NKAIN3: variants seen among roughly 807,000 people sequenced by gnomAD.
The protein encoded by NKAIN3 is sodium/potassium transporting ATPase interacting 3.
In NKAIN3, 25 loss-of-function variants were observed where a neutral mutation model predicts 30.2. The observed-to-expected ratio is 0.83, with a 90% CI of 0.60 to 1.16. The LOEUF (loss-of-function observed/expected upper bound fraction) is 1.16, where lower values mean the gene tolerates loss of function less well. Ranked by LOEUF, NKAIN3 falls within the 50% of genes most tolerant of loss-of-function variation. The pLI, the probability that NKAIN3 is intolerant of heterozygous loss-of-function variation, is 0.00. For synonymous variants in NKAIN3, 91 were observed against 89.6 expected (o/e 1.02, Z -0.09); for missense variants, 225 against 254.1 (o/e 0.89, Z 0.78).
chr8:62,284,979 A>T (rs562344574), intron 1 of NKAIN3, among the ~76,000 whole-genome samples: 1 of 152,260 alleles, frequency 6.6e-6, no homozygotes, highest in Non-Finnish European at 1.5e-5. Flanking sequence ...AAAATAGCAA[A>T]GCAGTTTTTT....
At chr8:62,863,865 A>T (rs1820334464) in intron 4 of NKAIN3, 1 of 1,535,442 alleles carries the variant, frequency 6.5e-7, no homozygotes, top group East Asian at 2.2e-5. Flanking sequence ...CCACCTTTGC[A>T]GTAGTCCGCA....
At chr8:62,901,119 A>G (rs1275722538) in intron 4 of NKAIN3, among the ~76,000 whole-genome samples, 1 of 152,168 alleles carries the variant, frequency 6.6e-6, no homozygotes, top group African/African-American at 2.4e-5. Context: ...ACAATACAGG[A>G]AAAGTGGTGA....
At chr8:62,606,445 C>G (rs1311559708) in intron 3 of NKAIN3, among the ~76,000 whole-genome samples, 1 of 152,074 alleles carries the variant, frequency 6.6e-6, no homozygotes, top group Admixed American at 6.6e-5. Flanking sequence ...AGAGTCAATA[C>G]TGATTCAAAA....
At chr8:62,568,011 G>A (rs1329047536) in intron 1 of NKAIN3, among the ~76,000 whole-genome samples, 1 of 152,060 alleles carries the variant, frequency 6.6e-6, no homozygotes, top group South Asian at 2.1e-4. Flanking sequence ...TAAATTGAAG[G>A]TTGACTAAGA....
At chr8:62,589,644 A>G in intron 2 of NKAIN3, 70 bp from the exon 3 acceptor site, 1 of 646,806 alleles carries the variant, frequency 1.5e-6, no homozygotes, top group Non-Finnish European at 2.8e-6. Context: ...TTTATTATTG[A>G]TTTATTTGAT....
intron 1 of NKAIN3, among the ~76,000 whole-genome samples, chr8:62,409,869 A>T (rs1293532981): frequency 6.6e-6 from 1 of 152,002 alleles, no homozygotes; most frequent in Non-Finnish European, 1.5e-5. Context: ...TCACTACCTT[A>T]TAGTCCTGGC....
In NKAIN3 at chr8:62,564,851, G is replaced by A. The variant is rs183031716; in HGVS notation, c.55-14688G>A. Among the ~76,000 whole-genome samples, 245 of 152,242 alleles carry A rather than the reference G, an allele frequency of 1.6e-3. 1 individual carries two copies. The highest frequency in any genetic ancestry group is 0.014 in the Middle Eastern group (4 of 294). On this transcript the variant is annotated intron_variant, in intron 1 of 6. Transcript: ENST00000623646. Reference sequence around the variant, plus strand: ...TTTTTAACACAGATAATTTGAGTTTGTTGGCTAAAATATTTAGAAAATTTA... The same window carrying A: ...TTTTTAACACAGATAATTTGAGTTTATTGGCTAAAATATTTAGAAAATTTA...
At chr8:62,456,492 T>C (rs535706301) in intron 1 of NKAIN3, among the ~76,000 whole-genome samples, 45 of 151,534 alleles carry the variant, frequency 3.0e-4, no homozygotes, top group Non-Finnish European at 6.2e-4. Context: ...GCACTCCAGC[T>C]TGGGCGACAG....
At chr8:62,472,002 G>A (rs1258001907) in intron 1 of NKAIN3, among the ~76,000 whole-genome samples, 3 of 148,680 alleles carry the variant, frequency 2.0e-5, no homozygotes, top group Non-Finnish European at 4.4e-5. Context: ...CCCAGCCTGG[G>A]TGTCAGAGCA....
At chr8:62,884,924 T>C (rs917004140) in intron 4 of NKAIN3, among the ~76,000 whole-genome samples, 2 of 152,140 alleles carry the variant, frequency 1.3e-5, no homozygotes, top group African/African-American at 4.8e-5. Flanking sequence ...TTCTATTCAA[T>C]AGCTTCCTAT....
intron 3 of NKAIN3, among the ~76,000 whole-genome samples, chr8:62,664,657 G>T (rs1813043788): frequency 6.6e-6 from 1 of 152,024 alleles, no homozygotes; most frequent in Non-Finnish European, 1.5e-5. Context: ...CCCTTTTCCT[G>T]TATTTTAAGT....
intron 1 of NKAIN3, among the ~76,000 whole-genome samples, chr8:62,488,986 G>A (rs1291757902): frequency 6.6e-6 from 1 of 152,098 alleles, no homozygotes; most frequent in Non-Finnish European, 1.5e-5. Context: ...TTCAATGAAT[G>A]CTAGCTATTA....
intron 1 of NKAIN3, among the ~76,000 whole-genome samples, chr8:62,477,398 C>T (rs1806555597): frequency 6.6e-6 from 1 of 152,130 alleles, no homozygotes; most frequent in Non-Finnish European, 1.5e-5. Flanking sequence ...TAGGCTTTCC[C>T]TGTGTGAGCC....
chr8:62,720,571 C>T (rs1219210452), intron 3 of NKAIN3, among the ~76,000 whole-genome samples: 1 of 152,196 alleles, frequency 6.6e-6, no homozygotes, highest in African/African-American at 2.4e-5. Context: ...ATTCTCTTTT[C>T]TCCTGTGCCC....
intron 3 of NKAIN3, among the ~76,000 whole-genome samples, chr8:62,719,477 T>C (rs1181250979): frequency 6.6e-6 from 1 of 152,222 alleles, no homozygotes; most frequent in Non-Finnish European, 1.5e-5. Context: ...CCTGGTTATA[T>C]TCTCTTGGGA....
At chr8:62,462,252 G>T (rs571248090) in intron 1 of NKAIN3, among the ~76,000 whole-genome samples, 1 of 152,202 alleles carries the variant, frequency 6.6e-6, no homozygotes, top group Non-Finnish European at 1.5e-5. Flanking sequence ...TTAGGCATAA[G>T]ACCACCAACT....
chr8:62,275,057 C>T (rs1296909760), intron 1 of NKAIN3, among the ~76,000 whole-genome samples: 1 of 152,060 alleles, frequency 6.6e-6, no homozygotes, highest in Non-Finnish European at 1.5e-5. Flanking sequence ...AATAAACATA[C>T]GTGTGCATGT....
chr8:62,965,410 A>G lies in NKAIN3; in HGVS notation c.*3A>G. The G allele has an allele frequency of 2.0e-6, 2 of 985,724 alleles. No homozygotes were observed. Among genetic ancestry groups the G allele is most frequent in the Non-Finnish European group, 2.4e-6 (2 of 829,894 alleles). 61.1% of individuals were successfully genotyped at this position (985,724 alleles called of 1,614,324 possible). A position where few individuals can be genotyped will look rare whatever the true frequency, so the allele number is the denominator to read the frequency against. ...TGCGGCTGCTGAACTTGACTTAGGG[A>G]GCAAAGGACCATTGACTGCGCGCCT... is the stretch of plus-strand genomic sequence containing the variant. On this transcript the variant is annotated 3_prime_UTR_variant, in exon 7 of 7. Coordinates refer to ENST00000623646, the MANE Select transcript of NKAIN3 (RefSeq NM_001304533.3).
At chr8:62,304,989 G>C (rs1463704746) in intron 1 of NKAIN3, among the ~76,000 whole-genome samples, 1 of 150,336 alleles carries the variant, frequency 6.7e-6, no homozygotes, top group Non-Finnish European at 1.5e-5. Flanking sequence ...ATGTCACCTT[G>C]GTCAGTCAGA....
Sources: allele counts gnomAD v4.1 joint callset (sites outside exome capture counted in the v4.1 genomes callset), GRCh38; gene constraint gnomAD v4.1.1; transcripts MANE v1.5; gene names NCBI Gene and HGNC (gene_info 2026-07-23, HGNC 2026-07-21).